NPR3: variants seen among roughly 807,000 people sequenced by gnomAD.
NPR3 encodes atrial natriuretic peptide receptor 3.
NPR3 carries 34 observed loss-of-function variants against 54.5 expected under a neutral mutation model. That is an observed-to-expected ratio of 0.62 (90% CI 0.47 to 0.83). The LOEUF is 0.83. Among genes scored for constraint, NPR3 ranks in the 40% least tolerant of loss-of-function variants. NPR3 has a pLI of 0.00. For missense variants in NPR3, 674 were observed against 720.8 expected, an observed-to-expected ratio of 0.94 and a Z score of 0.74; for synonymous variants, 289 against 297.1, an observed-to-expected ratio of 0.97 and a Z score of 0.28.
chr5:32,717,123 G>A (rs1311782674), intron 1 of NPR3, among the ~76,000 whole-genome samples: 1 of 151,572 alleles, frequency 6.6e-6, no homozygotes, highest in Non-Finnish European at 1.5e-5. Context: ...CTGTCCTTGC[G>A]ATAGTTTGCT....
chr5:32,779,776 A>G (rs774705177), intron 4 of NPR3, among the ~76,000 whole-genome samples: 1 of 152,244 alleles, frequency 6.6e-6, no homozygotes, highest in Non-Finnish European at 1.5e-5. Flanking sequence ...TCTACCAAGA[A>G]CAATTATAAA....
rs1419458773 is a variant in NPR3, at chr5:32,790,162, G to C, written c.*3817G>C. 5.6e-6 allele frequency: 1 copy of C among 179,982 alleles called. No homozygotes were observed. Among genetic ancestry groups the C allele is most frequent in the Non-Finnish European group, 1.3e-5 (1 of 75,224 alleles). 11.1% of individuals were successfully genotyped at this position (179,982 alleles called of 1,614,324 possible). A position where few individuals can be genotyped will look rare whatever the true frequency, so the allele number is the denominator to read the frequency against. ...TTTTAGAGGCAATTGTGGAAGCGGA[G>C]AGAATGAGATGATGGTGTTCAGAGG... is the stretch of plus-strand genomic sequence containing the variant. On this transcript the variant is annotated 3_prime_UTR_variant, in exon 8 of 8. Transcript: ENST00000265074.
rs1742890244 is a variant in NPR3, at chr5:32,791,179, G to A, written c.*4834G>A. ...CATCTTATAAGACAACAATGAAGTA[G>A]CCCCTGAACAGCATGGAGTTGCTGT... On this transcript the variant is annotated 3_prime_UTR_variant, in exon 8 of 8. Coordinates refer to ENST00000265074, the MANE Select transcript of NPR3 (RefSeq NM_001204375.2). The A allele has an allele frequency of 6.0e-6, 1 of 167,072 alleles. No individual in the cohort carries two copies. The highest frequency in any genetic ancestry group is 2.1e-4 in the South Asian group (1 of 4,824). 10.3% of individuals were successfully genotyped at this position (167,072 alleles called of 1,614,324 possible).
intron 1 of NPR3, among the ~76,000 whole-genome samples, chr5:32,722,262 T>A (rs560719347): frequency 7.2e-5 from 11 of 152,332 alleles, no homozygotes; most frequent in African/African-American, 2.6e-4. Context: ...ATCTCTTAGA[T>A]GGATGCCTAG....
chr5:32,701,159 A>G (rs1262362366), intron 1 of NPR3, among the ~76,000 whole-genome samples: 1 of 151,978 alleles, frequency 6.6e-6, no homozygotes, highest in African/African-American at 2.4e-5. Context: ...GATGATGAGC[A>G]TTTTTTCAAG....
chr5:32,701,498 G>T (rs1737797911), intron 1 of NPR3, among the ~76,000 whole-genome samples: 1 of 152,144 alleles, frequency 6.6e-6, no homozygotes, highest in African/African-American at 2.4e-5. Context: ...TGTCTTCCCA[G>T]GATTGATCCT....
At position 32,712,341 on chromosome 5, in the gene NPR3, C is replaced by T. The variant is rs751682469; in HGVS notation, c.565C>T (p.Leu189Phe). ...CTACGCCAAGATGGGCGAGATGATGCTCGCCCTGTTCCGCCACCACCACTG... is the reference window on the plus strand; with the variant it reads ...CTACGCCAAGATGGGCGAGATGATGTTCGCCCTGTTCCGCCACCACCACTG... Reference protein sequence around the residue: ...PAYAKMGEMMLALFRHHHWSR... With the variant: ...PAYAKMGEMMFALFRHHHWSR... Residue 189 changes from leucine (L) to phenylalanine (F), a missense_variant, in exon 1 of 8, where the codon CTC (leucine) becomes TTC (phenylalanine). By Grantham distance (22) the Leu-to-Phe change is conservative. Coordinates refer to ENST00000265074, the MANE Select transcript of NPR3 (RefSeq NM_001204375.2). The T allele has an allele frequency of 1.9e-6, 3 of 1,613,210 alleles. No homozygotes were observed.
upstream of NPR3, chr5:32,709,943 A>G (rs2111831264): frequency 6.6e-6 from 1 of 152,334 alleles, no homozygotes; most frequent in East Asian, 1.9e-4. Context: ...AAATTTGTGG[A>G]CACGGACGCC....
At chr5:32,763,128 G>T (rs1741264781) in intron 3 of NPR3, among the ~76,000 whole-genome samples, 1 of 152,126 alleles carries the variant, frequency 6.6e-6, no homozygotes, top group African/African-American at 2.4e-5. Context: ...GTTTGTCAAA[G>T]ATCAGCTGCT....
chr5:32,769,341 A>G (rs1165868008), intron 3 of NPR3, among the ~76,000 whole-genome samples: 2 of 152,166 alleles, frequency 1.3e-5, no homozygotes, highest in African/African-American at 4.8e-5. Context: ...CTCCCAGACT[A>G]CTTCCTTCTG....
rs1174203144 is a variant in NPR3 at position 32,791,308 on chromosome 5, T to C, written c.*4963T>C. 1 of 167,102 alleles carries C rather than the reference T, an allele frequency of 6.0e-6. No individual in the cohort carries two copies. The highest frequency in any genetic ancestry group is 1.5e-5 in the Non-Finnish European group (1 of 68,120). The allele number at this position is 167,102 out of a possible 1,614,324, so 10.4% of individuals were successfully genotyped here. The stretch of plus-strand genomic sequence containing the variant: ...CCAAGAGGACATGGGATAGACCTTG[T>C]GACAGACCAATTCTGTGACCCCTGT... On this transcript the variant is annotated 3_prime_UTR_variant, in exon 8 of 8. Transcript: ENST00000265074.
Position 32,784,874 on chromosome 5 carries a change from A to C in NPR3, c.1505A>C (p.Tyr502Ser). The change falls in exon 7 of 8, where the codon TAC becomes TCC. Residue 502 changes from tyrosine to serine, a missense_variant. Tyr to Ser is a moderately radical substitution (Grantham distance 144, BLOSUM62 -2). Transcript: ENST00000265074. ...GGAGCTGGCTTGCTAATGGCCTTCT[A>C]CTTTTTCAGGTGAGGACGGTTTGTA... is the stretch of plus-strand genomic sequence containing the variant. ...LLGAGLLMAF[Y>S]FFRKKYRITI... is the part of the protein sequence containing the mutation. The C allele has an allele frequency of 6.2e-7, 1 of 1,612,884 alleles. No individual in the cohort carries two copies. Among genetic ancestry groups the C allele is most frequent in the Non-Finnish European group, 8.5e-7 (1 of 1,178,960 alleles).
At chr5:32,709,700 A>G (rs1738108139), upstream of NPR3, 1 of 152,172 alleles carries the variant, frequency 6.6e-6, no homozygotes, top group Non-Finnish European at 1.5e-5. Context: ...ACCCATAATC[A>G]CATTGACGGT....
chr5:32,741,453 C>A (rs1292765661), intron 3 of NPR3, among the ~76,000 whole-genome samples: 2 of 152,086 alleles, frequency 1.3e-5, no homozygotes, highest in African/African-American at 4.8e-5. Context: ...CTGGGTAATT[C>A]TTCTTGATTA....
At chr5:32,710,847 C>T (rs1738171385), upstream of NPR3, 3 of 1,225,952 alleles carry the variant, frequency 2.4e-6, no homozygotes, top group Non-Finnish European at 3.2e-6. Context: ...CCATCCCTTT[C>T]CCCCAGTCCT....
rs186803105 is a variant in NPR3 at position 32,741,367 on chromosome 5, C to T, written c.1059+2337C>T. ...CAGGGAGCTCAAGGCTGCAGTGATC[C>T]GTGATTGCACCACTGTGCTCCAGCC... On this transcript the variant is annotated intron_variant, in intron 3 of 7. Transcript: ENST00000265074. Among the ~76,000 whole-genome samples, 162 of 152,296 alleles carry T rather than the reference C, an allele frequency of 1.1e-3. 1 individual carries two copies. Among genetic ancestry groups the T allele is most frequent in the African/African-American group, 3.8e-3 (157 of 41,586 alleles).
At chr5:32,786,105 G>A in intron 7 of NPR3, 129 bp from the exon 8 acceptor site, 1 of 592,774 alleles carries the variant, frequency 1.7e-6, no homozygotes, top group Non-Finnish European at 3.0e-6. Context: ...CTCTGACCAG[G>A]GTTTCATATT....
At chr5:32,765,683 T>C (rs747989474) in intron 3 of NPR3, among the ~76,000 whole-genome samples, 2 of 152,118 alleles carry the variant, frequency 1.3e-5, no homozygotes, top group Non-Finnish European at 2.9e-5. Context: ...AGTGCAGTTA[T>C]GGAAGGAAGG....
At position 32,769,906 on chromosome 5, in the gene NPR3, G is replaced by A. The variant is rs568272811; in HGVS notation, c.1060-4802G>A. Reference sequence around the variant, plus strand: ...TTTGTGTCTCCAGAAAGAAGTGAGAGCGACGTGGCTCGCTGCCACGGTTGG... The same window carrying A: ...TTTGTGTCTCCAGAAAGAAGTGAGAACGACGTGGCTCGCTGCCACGGTTGG... On this transcript the variant is annotated intron_variant, in intron 3 of 7. Transcript: ENST00000265074. Among the ~76,000 whole-genome samples the A allele has an allele frequency of 2.0e-5, 3 of 152,378 alleles. No homozygotes were observed. The South Asian group carries it at 6.2e-4, about 32-fold the overall frequency.
Sources: allele counts gnomAD v4.1 joint callset (sites outside exome capture counted in the v4.1 genomes callset), GRCh38; gene constraint gnomAD v4.1.1; transcripts MANE v1.5; gene names NCBI Gene and HGNC (gene_info 2026-07-23, HGNC 2026-07-21).